Variants in MRC1 observed in about 807,000 individuals in gnomAD.
MRC1 encodes the protein macrophage mannose receptor 1.
In MRC1, 62 loss-of-function variants were observed where a neutral mutation model predicts 102.9. That is an observed-to-expected ratio of 0.60 (90% confidence interval 0.49 to 0.74). The LOEUF (loss-of-function observed/expected upper bound fraction) is 0.74. Ranked by LOEUF, MRC1 falls within the 30% of genes least tolerant of loss-of-function variation. The pLI, the probability that MRC1 is intolerant of heterozygous loss-of-function variation, is 0.00. For missense variants in MRC1, 1,237 were observed against 862.8 expected, an observed-to-expected ratio of 1.43 and a Z score of -5.43; for synonymous variants, 457 against 298.4, an observed-to-expected ratio of 1.53 and a Z score of -5.48.
rs71497224 is a variant in MRC1, at chr10:17,849,727, C to G, written c.1212C>G (p.Ile404Met). The change falls in exon 7 of 30, where the codon ATC becomes ATG. Residue 404 changes from isoleucine (I) to methionine (M), a missense_variant. Coordinates refer to ENST00000569591, the MANE Select transcript of MRC1 (RefSeq NM_002438.4). ...EGGDLTSIHT[I>M]EELDFIISQL... The stretch of plus-strand genomic sequence containing the variant: ...GTGACCTCACAAGTATCCACACCAT[C>G]GAGGAATTGGACTTTATTATCTCCC... 1.3e-6 allele frequency: 1 copy of G among 780,458 alleles called. No homozygotes were observed. The highest frequency in any genetic ancestry group is 2.4e-6 in the Non-Finnish European group (1 of 417,972). 48.3% of individuals were successfully genotyped at this position (780,458 alleles called of 1,614,324 possible). A position where few individuals can be genotyped will look rare whatever the true frequency, so the allele number is the denominator to read the frequency against.
chr10:17,827,370 C>A (rs2461167), intron 2 of MRC1, among the ~76,000 whole-genome samples, 172 bp from the exon 3 acceptor site: 76,855 of 83,176 alleles, frequency 0.92, 35,272 homozygotes, highest in South Asian at 0.95. Flanking sequence ...AAAAAAAATA[C>A]CCAAAAAAAA....
chr10:17,810,171 A>G (rs983103660), intron 1 of MRC1, among the ~76,000 whole-genome samples: 4 of 152,202 alleles, frequency 2.6e-5, no homozygotes, highest in Non-Finnish European at 5.9e-5. Flanking sequence ...CTCATTAGGA[A>G]CAGCTCCAGA....
chr10:17,814,703 T>TG (rs1554837689), intron 1 of MRC1, among the ~76,000 whole-genome samples: 32 of 114,408 alleles, frequency 2.8e-4, no homozygotes, highest in African/African-American at 9.6e-4. Context: ...TTTTTTTTTT[T>TG]GAGACAGAGT....
chr10:17,813,701 T>TATA lies in MRC1; in HGVS notation c.61+4175_61+4176insATA, dbSNP rs199643443. 5.8e-3 allele frequency among the ~76,000 whole-genome samples: 618 copies of TATA among 107,254 alleles called. 2 individuals carry two copies. The highest frequency in any genetic ancestry group is 9.8e-3 in the African/African-American group (252 of 25,804). 70.4% of individuals were successfully genotyped at this position (107,254 alleles called of 152,430 possible). ...CACACATTATATATATATATATATA[T>TATA]TTTTTTTTTTTTTTGAGACAGGGTC... On this transcript the variant is annotated intron_variant, in intron 1 of 29. Coordinates refer to ENST00000569591, the MANE Select transcript of MRC1 (RefSeq NM_002438.4).
chr10:17,873,901 T>A, intron 16 of MRC1, 76 bp downstream of exon 16: 1 of 849,868 alleles, frequency 1.2e-6, no homozygotes, highest in Non-Finnish European at 2.1e-6. Flanking sequence ...ATGAAAAAAT[T>A]ACTTGCCCTA....
intron 6 of MRC1, among the ~76,000 whole-genome samples, chr10:17,848,412 A>G (rs1349973791): frequency 2.0e-5 from 3 of 152,206 alleles, no homozygotes; most frequent in East Asian, 1.9e-4. Flanking sequence ...GCTCAAGGCA[A>G]TAGGGATGAA....
chr10:17,878,397 C>A (rs1358295867), intron 18 of MRC1, among the ~76,000 whole-genome samples: 4 of 152,180 alleles, frequency 2.6e-5, no homozygotes, highest in African/African-American at 9.6e-5. Flanking sequence ...TTTTGAAGCA[C>A]ACTTTAAATC....
intron 22 of MRC1, among the ~76,000 whole-genome samples, chr10:17,892,356 A>G (rs1833691214): frequency 6.6e-6 from 1 of 152,180 alleles, no homozygotes; most frequent in African/African-American, 2.4e-5. Flanking sequence ...CAATGTGTCA[A>G]TGACATTTAG....
At chr10:17,817,798 A>G (rs1479336138) in intron 1 of MRC1, among the ~76,000 whole-genome samples, 1 of 152,224 alleles carries the variant, frequency 6.6e-6, no homozygotes. Context: ...TAGAATGTTT[A>G]TAAATGTTGG....
chr10:17,827,693 A>G lies in MRC1; in HGVS notation c.615A>G (p.Leu205=), dbSNP rs962898213. ...GTTTDYDTDK[L]FGYCPLKFEG... ...CTACTGACTATGACACAGACAAGCT[A>G]TTTGGATATTGTCCATTGAAATGTA... The change falls in exon 3 of 30, where the codon CTA becomes CTG. Residue 205 remains leucine, a synonymous_variant. Transcript: ENST00000569591. 7.7e-6 allele frequency: 6 copies of G among 780,752 alleles called. No individual in the cohort carries two copies. In the African/African-American group the frequency reaches 8.5e-5, roughly 11 times the overall value. 48.4% of individuals were successfully genotyped at this position (780,752 alleles called of 1,614,324 possible).
chr10:17,882,434 T>C (rs1350631342), intron 21 of MRC1, among the ~76,000 whole-genome samples: 9 of 151,832 alleles, frequency 5.9e-5, no homozygotes, highest in African/African-American at 2.2e-4. Context: ...TGCTCAACAG[T>C]TGTTTGTTGT....
chr10:17,847,206 A>G (rs1195670491), intron 6 of MRC1, among the ~76,000 whole-genome samples: 2 of 152,184 alleles, frequency 1.3e-5, no homozygotes, highest in Non-Finnish European at 2.9e-5. Flanking sequence ...TAAGACTTGG[A>G]ATTTCCATGT....
At chr10:17,847,080 C>A (rs1050414356) in intron 6 of MRC1, among the ~76,000 whole-genome samples, 5 of 152,158 alleles carry the variant, frequency 3.3e-5, no homozygotes, top group Admixed American at 3.3e-4. Context: ...TCCATAGTGA[C>A]GGTGGGTATC....
intron 7 of MRC1, 59 bp from the exon 8 acceptor site, chr10:17,852,908 C>T (rs1375908601): frequency 1.3e-5 from 10 of 779,932 alleles, no homozygotes; most frequent in East Asian, 1.2e-4. Flanking sequence ...GTTCCTTTTA[C>T]CCCCCGACCT....
At chr10:17,833,443 C>G (rs951482533) in intron 3 of MRC1, among the ~76,000 whole-genome samples, 1 of 149,184 alleles carries the variant, frequency 6.7e-6, no homozygotes, top group African/African-American at 2.5e-5. Flanking sequence ...ATTGTTTAAC[C>G]TCAAGAGTTG....
intron 2 of MRC1, 66 bp downstream of exon 2, chr10:17,823,541 C>T (rs1838429260): frequency 7.7e-6 from 6 of 776,312 alleles, no homozygotes; most frequent in Non-Finnish European, 1.2e-5. Flanking sequence ...GAACCTGATT[C>T]AAGAAAATCA....
At chr10:17,883,226 C>G (rs997944973) in intron 21 of MRC1, among the ~76,000 whole-genome samples, 1 of 152,194 alleles carries the variant, frequency 6.6e-6, no homozygotes, top group African/African-American at 2.4e-5. Flanking sequence ...CTCCTGGACT[C>G]AAGTAATCCT....
At chr10:17,901,459 C>A (rs927459509) in intron 25 of MRC1, among the ~76,000 whole-genome samples, 1 of 152,116 alleles carries the variant, frequency 6.6e-6, no homozygotes, top group Non-Finnish European at 1.5e-5. Flanking sequence ...GAGGCCGAGG[C>A]GGGCAGATCA....
In MRC1 at chr10:17,832,754, A is replaced by AT. The variant is rs1227198036; in HGVS notation, c.638-913dup. Among the ~76,000 whole-genome samples, 429 of 149,748 alleles carry AT rather than the reference A, an allele frequency of 2.9e-3. 2 individuals are homozygous for AT. Among genetic ancestry groups the AT allele is most frequent in the African/African-American group, 9.6e-3 (391 of 40,930 alleles). The stretch of plus-strand genomic sequence containing the variant: ...AGGCGCCCGCCACCACGCCCGGCTA[A>AT]TTTTTTTTGTATTTTTAATAGAGAT... On this transcript the variant is annotated intron_variant, in intron 3 of 29. Coordinates refer to ENST00000569591, the MANE Select transcript of MRC1 (RefSeq NM_002438.4).
Sources: gnomAD v4.1 joint callset for allele counts (sites outside exome capture counted in the v4.1 genomes callset) on GRCh38, gnomAD v4.1.1 for gene constraint, MANE v1.5 for transcripts, NCBI Gene and HGNC (gene_info 2026-07-23, HGNC 2026-07-21) for gene names.